Variants in GUCY2F observed in about 807,000 individuals in gnomAD.
GUCY2F encodes guanylate cyclase 2F, retinal, also known as retinal guanylyl cyclase 2.
A neutral mutation model predicts 73.1 loss-of-function variants in GUCY2F; 61 were observed. The observed-to-expected ratio is 0.83, with a 90% confidence interval of 0.68 to 1.03. The LOEUF is 1.03. GUCY2F is among the 50% of genes least tolerant of loss of function. The pLI, the probability that GUCY2F is intolerant of heterozygous loss-of-function variation, is 0.00. For missense variants in GUCY2F, 912 were observed against 854.3 expected (o/e 1.07, Z -0.84); for synonymous variants, 331 against 307.8 (o/e 1.08, Z -0.79).
rs1443829440 is a variant in GUCY2F at position 109,378,219 on chromosome X, G to A, written c.3151-2052C>T. Among the ~76,000 whole-genome samples the A allele has an allele frequency of 2.7e-5, 3 of 111,241 alleles. No individual in the cohort carries two copies. The Admixed American group carries it at 2.9e-4, about 11-fold the overall frequency. ...AATTATTAATCTCATTCTGCGAATGGGGACACTGAGATTCCTGGAGATTAA... is the reference window on the plus strand; with the variant it reads ...AATTATTAATCTCATTCTGCGAATGAGGACACTGAGATTCCTGGAGATTAA... On this transcript the variant is annotated intron_variant, in intron 17 of 19. Coordinates refer to ENST00000218006, the MANE Select transcript of GUCY2F (RefSeq NM_001522.3).
intron 8 of GUCY2F, among the ~76,000 whole-genome samples, chrX:109,425,094 T>C (rs1466013807): frequency 8.9e-6 from 1 of 111,821 alleles, no homozygotes; most frequent in Non-Finnish European, 1.9e-5. Flanking sequence ...ACACTGCTAG[T>C]GGGAATGTAA....
At position 109,404,337 on chromosome X, in the gene GUCY2F, A is replaced by G. The variant is rs1930922297; in HGVS notation, c.2116T>C (p.Ser706Pro). The G allele has an allele frequency of 8.4e-7, 1 of 1,194,488 alleles. No individual in the cohort carries two copies. Among genetic ancestry groups the G allele is most frequent in the Non-Finnish European group, 1.1e-6 (1 of 882,290 alleles). ...EMLRLSEEESSMEELLWTAPE... is the reference protein window; with the variant it reads ...EMLRLSEEESPMEELLWTAPE... ...ACAATTCATTGCTTACCTTCCATAG[A>G]AGATTCCTCTTCAGAGAGTCTCAGC... Residue 706 changes from serine (S) to proline (P), a missense_variant, in exon 10 of 20, where the codon TCT becomes CCT. Ser to Pro is a moderately conservative substitution (Grantham distance 74). Transcript: ENST00000218006.
intron 6 of GUCY2F, among the ~76,000 whole-genome samples, chrX:109,447,538 CAT>C (rs1569370470): frequency 2.6e-4 from 27 of 104,406 alleles, no homozygotes; most frequent in African/African-American, 9.6e-4. Flanking sequence ...GGAAACCAAA[CAT>C]GGCATGTTCT....
chrX:109,388,639 T>C lies in GUCY2F; in HGVS notation c.2806A>G (p.Met936Val), dbSNP rs2147252683. The change falls in exon 15 of 20, where the codon ATG becomes GTG. Residue 936 changes from methionine (M) to valine (V), a missense_variant. Met to Val is a conservative substitution (Grantham distance 21, BLOSUM62 1). Transcript: ENST00000218006. ...YKVETIGDAY[M>V]VASGLPKRNG... ...CTCTTTGGGAGGCCTGAAGCCACCATGTAGGCATCTCCAATGGTCTCTACC... is the reference window on the plus strand; with the variant it reads ...CTCTTTGGGAGGCCTGAAGCCACCACGTAGGCATCTCCAATGGTCTCTACC... 1 of 1,191,151 alleles carries C rather than the reference T, an allele frequency of 8.4e-7. No homozygotes were observed. The highest frequency in any genetic ancestry group is 1.1e-6 in the Non-Finnish European group (1 of 877,432).
chrX:109,437,617 A>G (rs1931781678), intron 7 of GUCY2F, among the ~76,000 whole-genome samples: 1 of 112,879 alleles, frequency 8.9e-6, no homozygotes, highest in Non-Finnish European at 1.9e-5. Context: ...TGCACATATC[A>G]GAGAACTTTA....
intron 14 of GUCY2F, 27 bp from the exon 15 acceptor site, chrX:109,388,690 C>A: frequency 9.4e-7 from 1 of 1,065,307 alleles, no homozygotes; most frequent in Non-Finnish European, 1.3e-6. Flanking sequence ...ATAGAATTAG[C>A]AAACAACTTA....
At position 109,453,897 on chromosome X, in the gene GUCY2F, G is replaced by A. The variant is rs748053056; in HGVS notation, c.1033-38C>T. 7.0e-5 allele frequency: 55 copies of A among 790,620 alleles called. No homozygotes were observed. In the Admixed American group the frequency reaches 7.6e-4, roughly 11 times the overall value. 65.2% of individuals were successfully genotyped at this position (790,620 alleles called of 1,213,427 possible). A position where few individuals can be genotyped will look rare whatever the true frequency, so the allele number is the denominator to read the frequency against. On this transcript the variant is annotated intron_variant, in intron 3 of 19. Coordinates refer to ENST00000218006, the MANE Select transcript of GUCY2F (RefSeq NM_001522.3). ...ATTACAATTATCTTGAGCCCTGGTC[G>A]CCCTAGAGCGATCTCAGAGTATATT...
intron 8 of GUCY2F, among the ~76,000 whole-genome samples, chrX:109,422,346 A>G (rs1041138166): frequency 7.1e-5 from 8 of 111,926 alleles, no homozygotes; most frequent in African/African-American, 2.6e-4. Context: ...CGAAGTAGTG[A>G]AAATTCATAG....
intron 3 of GUCY2F, among the ~76,000 whole-genome samples, chrX:109,455,420 A>T (rs990578819): frequency 4.5e-5 from 5 of 111,762 alleles, no homozygotes; most frequent in Non-Finnish European, 7.5e-5. Flanking sequence ...AGAAAGGGAG[A>T]CACAGAGAAG....
chrX:109,429,254 A>T lies in GUCY2F; in HGVS notation c.1791+1053T>A, dbSNP rs1403632016. 7.2e-5 allele frequency among the ~76,000 whole-genome samples: 8 copies of T among 110,912 alleles called. No homozygotes were observed. The Admixed American group carries it at 7.7e-4, about 11-fold the overall frequency. ...TGGTGAAACCCTGTCTCTACTAAAA[A>T]TACAAAATATTAGCCAGGCATGGTG... On this transcript the variant is annotated intron_variant, in intron 8 of 19. Transcript: ENST00000218006.
intron 8 of GUCY2F, among the ~76,000 whole-genome samples, chrX:109,429,154 G>A (rs982557562): frequency 8.9e-6 from 1 of 112,321 alleles, no homozygotes; most frequent in South Asian, 3.7e-4. Flanking sequence ...GCTCACGCCT[G>A]TAATCCCAGC....
intron 17 of GUCY2F, among the ~76,000 whole-genome samples, 196 bp downstream of exon 17, chrX:109,381,922 G>A (rs1050893788): frequency 2.7e-5 from 3 of 112,616 alleles, no homozygotes; most frequent in African/African-American, 6.4e-5. Flanking sequence ...CCTCCCCACT[G>A]TAGCCATATT....
chrX:109,473,676 C>T lies in GUCY2F; in HGVS notation c.730+1531G>A, dbSNP rs748940942. On this transcript the variant is annotated intron_variant, in intron 2 of 19. Coordinates refer to ENST00000218006, the MANE Select transcript of GUCY2F (RefSeq NM_001522.3). ...AAAGGGGTTGTGGGTGGTTAGCACTCAATCCTAATTCTTCTCAGTCTGGCA... is the reference window on the plus strand; with the variant it reads ...AAAGGGGTTGTGGGTGGTTAGCACTTAATCCTAATTCTTCTCAGTCTGGCA... Among the ~76,000 whole-genome samples the T allele has an allele frequency of 2.7e-5, 3 of 111,849 alleles. No individual in the cohort carries two copies. In the East Asian group the frequency reaches 8.4e-4, roughly 31 times the overall value.
Position 109,445,912 on chromosome X carries a change from G to C in GUCY2F, c.1569+2157C>G, listed in dbSNP as rs767127578. 2.9e-3 allele frequency among the ~76,000 whole-genome samples: 322 copies of C among 111,620 alleles called. 1 individual carries two copies. The highest frequency in any genetic ancestry group is 4.8e-3 in the Non-Finnish European group (252 of 53,027). ...CCCAAAATCTCCTTAAGCTGATAAG[G>C]AACTTCAGCAAAGTCTCAGGATACA... is the stretch of plus-strand genomic sequence containing the variant. On this transcript the variant is annotated intron_variant, in intron 6 of 19. Transcript: ENST00000218006.
intron 7 of GUCY2F, 148 bp downstream of exon 7, chrX:109,441,203 C>A: frequency 2.9e-6 from 1 of 350,397 alleles, no homozygotes; most frequent in Non-Finnish European, 5.1e-6. Context: ...AGAATGTCAA[C>A]CAAACGAGTC....
At chrX:109,463,586 C>T (rs1022062446) in intron 3 of GUCY2F, among the ~76,000 whole-genome samples, 1 of 109,474 alleles carries the variant, frequency 9.1e-6, no homozygotes, top group Non-Finnish European at 1.9e-5. Flanking sequence ...TACAGGCGCC[C>T]GCCACCACGC....
intron 17 of GUCY2F, among the ~76,000 whole-genome samples, chrX:109,381,602 G>C (rs1313058274): frequency 3.6e-5 from 4 of 112,172 alleles, no homozygotes; most frequent in Non-Finnish European, 7.5e-5. Context: ...GCTACAAAAT[G>C]TTTGCCTTTC....
chrX:109,392,256 A>G (rs1435165842), intron 13 of GUCY2F, among the ~76,000 whole-genome samples, 153 bp from the exon 14 acceptor site: 1 of 112,465 alleles, frequency 8.9e-6, no homozygotes, highest in African/African-American at 3.2e-5. Context: ...TAATTCGTTC[A>G]TTTATTCTAC....
chrX:109,412,843 C>G (rs916453418), intron 8 of GUCY2F, among the ~76,000 whole-genome samples: 3 of 111,175 alleles, frequency 2.7e-5, no homozygotes, highest in Non-Finnish European at 5.7e-5. Context: ...GCTTTTATAC[C>G]CTCTTCCATA....
Sources: gnomAD v4.1 joint callset for allele counts (sites outside exome capture counted in the v4.1 genomes callset) on GRCh38, gnomAD v4.1.1 for gene constraint, MANE v1.5 for transcripts, NCBI Gene and HGNC (gene_info 2026-07-23, HGNC 2026-07-21) for gene names.